Variants in ABTB2 observed in about 807,000 individuals in gnomAD.
ABTB2 encodes ankyrin repeat and BTB/POZ domain-containing protein 2.
A neutral mutation model predicts 104.1 loss-of-function variants in ABTB2; 56 were observed. The observed-to-expected ratio is 0.54, with a 90% CI of 0.43 to 0.67. The LOEUF is 0.67. ABTB2 is among the 30% of genes least tolerant of loss of function. ABTB2 has a pLI of 0.00. For missense variants in ABTB2, 1,279 were observed against 1,407.7 expected (o/e 0.91, Z 1.46); for synonymous variants, 606 against 608.2 (o/e 1.00, Z 0.05).
chr11:34,273,864 G>A (rs902126964), intron 1 of ABTB2, among the ~76,000 whole-genome samples: 3 of 152,114 alleles, frequency 2.0e-5, no homozygotes, highest in African/African-American at 7.2e-5. Context: ...CAAAAATAAT[G>A]ATATTTGGCC....
rs557644647 is a variant in ABTB2 at position 34,229,289 on chromosome 11, T to C, written c.884-24599A>G. ...CAAAGTCAGGAGATCAAGACCATCCTGGCTAACACGATGAAACCCGTCTCT... is the reference window on the plus strand; with the variant it reads ...CAAAGTCAGGAGATCAAGACCATCCCGGCTAACACGATGAAACCCGTCTCT... On this transcript the variant is annotated intron_variant, in intron 1 of 16. Coordinates refer to ENST00000435224, the MANE Select transcript of ABTB2 (RefSeq NM_145804.3). Among the ~76,000 whole-genome samples, 23 of 151,866 alleles carry C rather than the reference T, an allele frequency of 1.5e-4. No homozygotes were observed. In the South Asian group the frequency reaches 2.1e-3, roughly 14 times the overall value.
chr11:34,164,168 T>C (rs571696244), intron 9 of ABTB2, among the ~76,000 whole-genome samples: 3 of 152,132 alleles, frequency 2.0e-5, no homozygotes, highest in Non-Finnish European at 4.4e-5. Context: ...TGGTCTCCCT[T>C]TGCCCCTCCG....
intron 1 of ABTB2, among the ~76,000 whole-genome samples, chr11:34,300,145 C>T (rs749268887): frequency 7.2e-5 from 11 of 152,076 alleles, no homozygotes; most frequent in Admixed American, 5.2e-4. Flanking sequence ...TTTTACAGCC[C>T]GCTGAATCTA....
chr11:34,173,547 T>C (rs74754238), intron 3 of ABTB2, among the ~76,000 whole-genome samples: 2,666 of 152,166 alleles, frequency 0.018, 60 homozygotes, highest in African/African-American at 0.059. Context: ...GATCACCCCT[T>C]GCAAGGGACC....
chr11:34,164,903 GATTCTCGC>G, intron 8 of ABTB2, 82 bp from the exon 9 acceptor site: 5 of 1,498,150 alleles, frequency 3.3e-6, no homozygotes, highest in Non-Finnish European at 3.6e-6. Flanking sequence ...GGGAGAGCAG[GATTCTCGC>G]AGCTCTGAGT....
At chr11:34,288,666 C>A (rs756452437) in intron 1 of ABTB2, among the ~76,000 whole-genome samples, 1 of 151,980 alleles carries the variant, frequency 6.6e-6, no homozygotes, top group Admixed American at 6.6e-5. Context: ...ACAGGCCCAC[C>A]GGGAGATGAC....
chr11:34,334,016 G>T, intron 1 of ABTB2, among the ~76,000 whole-genome samples: 2 of 119,976 alleles, frequency 1.7e-5, no homozygotes, highest in East Asian at 2.5e-4. Flanking sequence ...AGCCACAGGT[G>T]AAAAAAAAAA....
intron 1 of ABTB2, among the ~76,000 whole-genome samples, chr11:34,213,788 G>A (rs1301948632): frequency 6.6e-6 from 1 of 152,138 alleles, no homozygotes; most frequent in Non-Finnish European, 1.5e-5. Context: ...AAACCTAAAG[G>A]TGAACCCTGG....
At chr11:34,186,575 GA>G (rs1295299664) in intron 3 of ABTB2, among the ~76,000 whole-genome samples, 1 of 152,220 alleles carries the variant, frequency 6.6e-6, no homozygotes, top group African/African-American at 2.4e-5. Context: ...CACTCCAAAT[GA>G]ATGAAGCTCC....
chr11:34,160,497 G>T, intron 11 of ABTB2, 144 bp from the exon 12 acceptor site: 1 of 662,540 alleles, frequency 1.5e-6, no homozygotes. Flanking sequence ...GGCTTGGCAA[G>T]AGATGCCTGT....
At chr11:34,255,179 G>A (rs1854105769) in intron 1 of ABTB2, among the ~76,000 whole-genome samples, 1 of 152,146 alleles carries the variant, frequency 6.6e-6, no homozygotes, top group South Asian at 2.1e-4. Context: ...ATCGGATTAA[G>A]CACTTCACTC....
At chr11:34,325,910 C>T (rs1855063778) in intron 1 of ABTB2, among the ~76,000 whole-genome samples, 1 of 149,046 alleles carries the variant, frequency 6.7e-6, no homozygotes, top group Admixed American at 6.8e-5. Flanking sequence ...GAGATTGCAA[C>T]ACTGCACTCC....
rs544808997 is a variant in ABTB2, at chr11:34,287,242, A to G, written c.883+69459T>C. 2.6e-5 allele frequency among the ~76,000 whole-genome samples: 4 copies of G among 151,730 alleles called. No homozygotes were observed. The South Asian group carries it at 8.4e-4, about 32-fold the overall frequency. On this transcript the variant is annotated intron_variant, in intron 1 of 16. Transcript: ENST00000435224. ...ACACACACCCTTAAAAGTCAAATTT[A>G]CTGTATGATAATTTAAAAAATATAC...
In ABTB2 at chr11:34,152,269, GGGA is replaced by G; in HGVS notation, c.*115_*117del. 8.8e-7 allele frequency: 1 copy of G among 1,133,034 alleles called. No individual in the cohort carries two copies. The highest frequency in any genetic ancestry group is 1.2e-6 in the Non-Finnish European group (1 of 810,096). 70.2% of individuals were successfully genotyped at this position (1,133,034 alleles called of 1,614,324 possible). A position where few individuals can be genotyped will look rare whatever the true frequency, so the allele number is the denominator to read the frequency against. On this transcript the variant is annotated 3_prime_UTR_variant, in exon 17 of 17. Transcript: ENST00000435224. ...GCCCGGTGACAGGGGGGACATCTGG[GGGA>G]GGAGGAGGAAACAGCCCCGTGAACC...
At position 34,355,554 on chromosome 11, in the gene ABTB2, T is replaced by C. The variant is rs115542166; in HGVS notation, c.883+1147A>G. ...AGAATAATGACGACACATTAAGGGTTATTTTGCATTTCAGCTATTATGATT... is the reference window on the plus strand; with the variant it reads ...AGAATAATGACGACACATTAAGGGTCATTTTGCATTTCAGCTATTATGATT... On this transcript the variant is annotated intron_variant, in intron 1 of 16. Coordinates refer to ENST00000435224, the MANE Select transcript of ABTB2 (RefSeq NM_145804.3). Among the ~76,000 whole-genome samples, 907 of 152,306 alleles carry C rather than the reference T, an allele frequency of 6.0e-3. 10 individuals carry two copies. The highest frequency in any genetic ancestry group is 0.02 in the African/African-American group (850 of 41,552).
Position 34,182,501 on chromosome 11 carries a change from G to C in ABTB2, c.1245-9194C>G, listed in dbSNP as rs542061904. 1.9e-4 allele frequency among the ~76,000 whole-genome samples: 26 copies of C among 139,652 alleles called. 1 individual carries two copies. The highest frequency in any genetic ancestry group is 6.3e-4 in the African/African-American group (23 of 36,522). 91.6% of individuals were successfully genotyped at this position (139,652 alleles called of 152,430 possible). On this transcript the variant is annotated intron_variant, in intron 3 of 16. Coordinates refer to ENST00000435224, the MANE Select transcript of ABTB2 (RefSeq NM_145804.3). ...GAGGTGGGGCATTGGGTTCTCTGGG[G>C]GGGGGGGGAAATTCACTTTTCCTAT... is the stretch of plus-strand genomic sequence containing the variant.
At chr11:34,173,380 G>C in intron 3 of ABTB2, 73 bp from the exon 4 acceptor site, 1 of 1,473,188 alleles carries the variant, frequency 6.8e-7, no homozygotes, top group Admixed American at 2.3e-5. Flanking sequence ...GGTCAGGCCT[G>C]GGAGGGTGCT....
At chr11:34,304,708 G>A (rs1854750262) in intron 1 of ABTB2, among the ~76,000 whole-genome samples, 1 of 151,966 alleles carries the variant, frequency 6.6e-6, no homozygotes, top group South Asian at 2.1e-4. Context: ...GAGGGGAAGG[G>A]AGGGGAGGGA....
chr11:34,341,665 C>T (rs574402699), intron 1 of ABTB2, among the ~76,000 whole-genome samples: 28 of 152,196 alleles, frequency 1.8e-4, no homozygotes, highest in Admixed American at 2.6e-4. Context: ...AAGTGGCTGC[C>T]GTATTGAACA....
Sources: allele counts gnomAD v4.1 joint callset (sites outside exome capture counted in the v4.1 genomes callset), GRCh38; gene constraint gnomAD v4.1.1; transcripts MANE v1.5; gene names NCBI Gene and HGNC (gene_info 2026-07-23, HGNC 2026-07-21).